The following MYO7B variants were observed in gnomAD, a reference collection of about 807,000 sequenced individuals.
MYO7B encodes the protein myosin VIIB, also known as unconventional myosin-VIIb.
Under a neutral mutation model 259.7 loss-of-function variants are expected in MYO7B, and 212 were observed. The observed-to-expected ratio is 0.82, with a 90% CI of 0.73 to 0.91. MYO7B has a LOEUF of 0.91. Ranked by LOEUF, MYO7B falls within the 40% of genes least tolerant of loss-of-function variation. The probability of loss-of-function intolerance (pLI) is 0.00; values close to 1 mark genes in which losing one functional copy is unlikely to be tolerated. For synonymous variants in MYO7B, 1,197 were observed against 1,166.4 expected (o/e 1.03, Z -0.54); for missense variants, 2,732 against 2,813.5 (o/e 0.97, Z 0.66).
At chr2:127,620,660 T>C (rs1185208382) in intron 27 of MYO7B, among the ~76,000 whole-genome samples, 194 bp downstream of exon 27, 1 of 152,238 alleles carries the variant, frequency 6.6e-6, no homozygotes, top group African/African-American at 2.4e-5. Context: ...ACCCTGCTCC[T>C]GGCTCCTTCC....
At chr2:127,541,456 C>T (rs1237388236) in intron 1 of MYO7B, among the ~76,000 whole-genome samples, 1 of 152,220 alleles carries the variant, frequency 6.6e-6, no homozygotes, top group Non-Finnish European at 1.5e-5. Context: ...AAGTGCTGTA[C>T]AGGATCCACT....
In MYO7B at chr2:127,579,213, G is replaced by A. The variant is rs542700135; in HGVS notation, c.1003+927G>A. ...CACACCTTTCATTGGAGTCCTAAAG[G>A]AAAGGAGAGAGAAAGGGGCAGAGGC... On this transcript the variant is annotated intron_variant, in intron 9 of 47. Transcript: ENST00000409816. Among the ~76,000 whole-genome samples, 265 of 152,250 alleles carry A rather than the reference G, an allele frequency of 1.7e-3. 1 individual carries two copies. The highest frequency in any genetic ancestry group is 6.0e-3 in the African/African-American group (249 of 41,544).
chr2:127,609,413 C>A lies in MYO7B; in HGVS notation c.2815-93C>A. 2 of 1,163,380 alleles carry A rather than the reference C, an allele frequency of 1.7e-6. No homozygotes were observed. The highest frequency in any genetic ancestry group is 2.5e-6 in the Non-Finnish European group (2 of 805,714). The allele number at this position is 1,163,380 out of a possible 1,614,324, so 72.1% of individuals were successfully genotyped here. A position where few individuals can be genotyped will look rare whatever the true frequency, so the allele number is the denominator to read the frequency against. Reference sequence around the variant, plus strand: ...CTGAGGGATCAGGGTAATGCAACAGCCCCCGTGCTGCCCGGCCTGCTGGAC... The same window carrying A: ...CTGAGGGATCAGGGTAATGCAACAGACCCCGTGCTGCCCGGCCTGCTGGAC... On this transcript the variant is annotated intron_variant, in intron 22 of 47. Coordinates refer to ENST00000409816, the MANE Select transcript of MYO7B (RefSeq NM_001393586.1). This position sits in a 1 kb window ranked among gnomAD's most constrained non-coding sequence, Gnocchi z 6.9.
intron 21 of MYO7B, among the ~76,000 whole-genome samples, chr2:127,608,328 G>T (rs1680236284): frequency 6.6e-6 from 1 of 152,176 alleles, no homozygotes; most frequent in African/African-American, 2.4e-5. Flanking sequence ...AGCCCCTGGG[G>T]ACCTGTCCTG....
chr2:127,628,505 G>T lies in MYO7B; in HGVS notation c.4594G>T (p.Ala1532Ser). The change falls in exon 34 of 48, where the codon GCC (alanine) becomes TCC (serine). Residue 1532 changes from alanine to serine, a missense_variant. Ala to Ser is a moderately conservative substitution (Grantham distance 99). Transcript: ENST00000409816. This position sits in a 1 kb window ranked among gnomAD's most constrained non-coding sequence, Gnocchi z 4.8. ...LEGLKERSIFAMALQDRKATD... is the reference protein window; with the variant it reads ...LEGLKERSIFSMALQDRKATD... ...GGGCCTGAAGGAGAGGTCCATTTTC[G>T]CCATGGCCCTGCAGGACAGGAAGGC... 1.4e-6 allele frequency: 2 copies of T among 1,462,572 alleles called. No homozygotes were observed. The highest frequency in any genetic ancestry group is 1.8e-6 in the Non-Finnish European group (2 of 1,104,382). 90.6% of individuals were successfully genotyped at this position (1,462,572 alleles called of 1,614,324 possible). A position where few individuals can be genotyped will look rare whatever the true frequency, so the allele number is the denominator to read the frequency against.
At chr2:127,623,988 A>T in intron 29 of MYO7B, 105 bp from the exon 30 acceptor site, 1 of 1,096,872 alleles carries the variant, frequency 9.1e-7, no homozygotes, top group Non-Finnish European at 1.3e-6. Context: ...CTGGGCTCCA[A>T]GGGCCCCAGG....
In MYO7B at chr2:127,576,749, G is replaced by A; in HGVS notation, c.849+41G>A. ...GCCGCCTCCCAGTAGCCAGTGGAAG[G>A]GAGGAAAAAGAGCTTGTGCCGCTCC... On this transcript the variant is annotated intron_variant, in intron 8 of 47. Transcript: ENST00000409816. The surrounding 1 kb of genome is among the most constrained non-coding windows in gnomAD (Gnocchi z 4.9). The A allele has an allele frequency of 7.1e-7, 1 of 1,400,676 alleles. No homozygotes were observed. Among genetic ancestry groups the A allele is most frequent in the Non-Finnish European group, 1.0e-6 (1 of 998,764 alleles). The allele number at this position is 1,400,676 out of a possible 1,614,324, so 86.8% of individuals were successfully genotyped here.
Position 127,637,559 on chromosome 2 carries a change from A to G in MYO7B, c.*142A>G, listed in dbSNP as rs1681922481. The stretch of plus-strand genomic sequence containing the variant: ...CCATACAAAGCCCACTCAGCCCCGC[A>G]GGCGGCCCCCTCTGTCCTGGGCGCT... On this transcript the variant is annotated 3_prime_UTR_variant, in exon 48 of 48. Transcript: ENST00000409816. 4.7e-6 allele frequency: 3 copies of G among 642,778 alleles called. No homozygotes were observed. In the Admixed American group the frequency reaches 9.7e-5, roughly 21 times the overall value. 39.8% of individuals were successfully genotyped at this position (642,778 alleles called of 1,614,324 possible). A position where few individuals can be genotyped will look rare whatever the true frequency, so the allele number is the denominator to read the frequency against.
chr2:127,605,343 T>A (rs1170129150), intron 19 of MYO7B, among the ~76,000 whole-genome samples: 1 of 152,202 alleles, frequency 6.6e-6, no homozygotes, highest in Non-Finnish European at 1.5e-5. Context: ...ACGCCTGTAA[T>A]CCAGCACTTT....
intron 1 of MYO7B, among the ~76,000 whole-genome samples, chr2:127,536,531 TC>T (rs1383545916): frequency 6.6e-6 from 1 of 151,698 alleles, no homozygotes; most frequent in African/African-American, 2.4e-5. Context: ...ACATGGGCTG[TC>T]CCCCTTGAGC....
intron 26 of MYO7B, among the ~76,000 whole-genome samples, chr2:127,616,143 GAT>G (rs1466359116): frequency 6.6e-6 from 1 of 152,200 alleles, no homozygotes; most frequent in Non-Finnish European, 1.5e-5. Context: ...AAACTCCACT[GAT>G]AGCAAGAGGC....
chr2:127,548,842 A>G (rs545510529), intron 1 of MYO7B, among the ~76,000 whole-genome samples: 1 of 152,096 alleles, frequency 6.6e-6, no homozygotes, highest in East Asian at 1.9e-4. Context: ...GACTTACCTG[A>G]CCCATGTGTT....
intron 12 of MYO7B, among the ~76,000 whole-genome samples, chr2:127,583,386 G>C (rs1248193788): frequency 6.6e-6 from 1 of 152,208 alleles, no homozygotes; most frequent in Non-Finnish European, 1.5e-5. Flanking sequence ...GCAGGTGCCT[G>C]CTCACTGCAG....
At chr2:127,598,507 T>C (rs1257183949) in intron 19 of MYO7B, among the ~76,000 whole-genome samples, 1 of 152,264 alleles carries the variant, frequency 6.6e-6, no homozygotes, top group African/African-American at 2.4e-5. Context: ...CTATGTGGTT[T>C]GTGAATATTT....
chr2:127,631,842 C>A, intron 38 of MYO7B, 89 bp downstream of exon 38: 1 of 1,496,414 alleles, frequency 6.7e-7, no homozygotes, highest in South Asian at 1.3e-5. Context: ...GAGGACACCG[C>A]AGCTGGTGGC....
intron 5 of MYO7B, among the ~76,000 whole-genome samples, chr2:127,568,513 G>A (rs1220424755): frequency 6.6e-6 from 1 of 152,206 alleles, no homozygotes; most frequent in African/African-American, 2.4e-5. Context: ...GGCACTCAGG[G>A]GAGTCCACAG....
rs374742190 is a variant in MYO7B at position 127,584,343 on chromosome 2, G to T, written c.1554+11G>T. 6.2e-7 allele frequency: 1 copy of T among 1,613,424 alleles called. No individual in the cohort carries two copies. Among genetic ancestry groups the T allele is most frequent in the East Asian group, 2.2e-5 (1 of 44,882 alleles). On this transcript the variant is annotated intron_variant, in intron 13 of 47. Transcript: ENST00000409816. This position sits in a 1 kb window ranked among gnomAD's most constrained non-coding sequence, Gnocchi z 5.8. ...AGCCGCTTCCCGCAGGTGTGTGTTC[G>T]GGCCTGCCGACCTTCTGGTGGAGGC...
Position 127,578,216 on chromosome 2 carries a change from C to A in MYO7B, c.933C>A (p.Ser311=), listed in dbSNP as rs370983220. 2 of 1,613,630 alleles carry A rather than the reference C, an allele frequency of 1.2e-6. No individual in the cohort carries two copies. Among genetic ancestry groups the A allele is most frequent in the African/African-American group, 2.7e-5 (2 of 74,864 alleles). The change falls in exon 9 of 48, where the codon TCC becomes TCA. Residue 311 remains serine, a synonymous_variant. Transcript: ENST00000409816. Reference sequence around the variant, plus strand: ...CGGCCATGAAGATCCTCCAGTTCTCCGACTCCGAGAGCTGGGACGTCATCA... The same window carrying A: ...CGGCCATGAAGATCCTCCAGTTCTCAGACTCCGAGAGCTGGGACGTCATCA... ...IRSAMKILQF[S]DSESWDVIKL...
intron 2 of MYO7B, among the ~76,000 whole-genome samples, chr2:127,561,529 C>T (rs1678086287): frequency 6.6e-6 from 1 of 152,258 alleles, no homozygotes; most frequent in African/African-American, 2.4e-5. Flanking sequence ...TCCCAAAGTG[C>T]AGAGTGGTCA....
Sources: gnomAD v4.1 joint callset for allele counts (sites outside exome capture counted in the v4.1 genomes callset) on GRCh38, gnomAD v4.1.1 for gene constraint, Gnocchi (gnomAD v3.1) non-coding constraint, MANE v1.5 for transcripts, NCBI Gene and HGNC (gene_info 2026-07-23, HGNC 2026-07-21) for gene names.